Variants in PPARGC1A observed in about 807,000 individuals in gnomAD.
PPARGC1A encodes PPARG coactivator 1 alpha.
Under a neutral mutation model 88.7 loss-of-function variants are expected in PPARGC1A, and 25 were observed. That is an observed-to-expected ratio of 0.28 (90% CI 0.21 to 0.39). The LOEUF (loss-of-function observed/expected upper bound fraction) is 0.39, where lower values mean the gene tolerates loss of function less well. Among genes scored for constraint, PPARGC1A ranks in the 10% least tolerant of loss-of-function variants. PPARGC1A has a pLI of 1.00. For missense variants in PPARGC1A, 880 were observed against 968.7 expected, an observed-to-expected ratio of 0.91 and a Z score of 1.22; for synonymous variants, 363 against 355.6, an observed-to-expected ratio of 1.02 and a Z score of -0.24.
intron 12 of PPARGC1A, among the ~76,000 whole-genome samples, chr4:23,801,414 A>C (rs1718714564): frequency 6.6e-6 from 1 of 152,074 alleles, no homozygotes; most frequent in Admixed American, 6.6e-5. Context: ...ACAAAATATA[A>C]AGCTGCATGC....
At chr4:24,421,435 C>A in the PPARGC1A span, among the ~76,000 whole-genome samples, 131 of 151,950 alleles carry the variant, frequency 8.6e-4, no homozygotes, top group African/African-American at 3.1e-3. Context: ...CTCAGCCTCC[C>A]GAGTAGCTGG....
At chr4:24,163,270 T>G in the PPARGC1A span, among the ~76,000 whole-genome samples, 1 of 150,944 alleles carries the variant, frequency 6.6e-6, no homozygotes, top group Non-Finnish European at 1.5e-5. Context: ...TTATCAATTC[T>G]AATCATTCTT....
At chr4:23,845,849 C>T (rs1290007351) in intron 2 of PPARGC1A, among the ~76,000 whole-genome samples, 1 of 152,246 alleles carries the variant, frequency 6.6e-6, no homozygotes, top group South Asian at 2.1e-4. Flanking sequence ...TTGCAATCTC[C>T]TAGGATTTAG....
At chr4:24,087,157 A>G in the PPARGC1A span, among the ~76,000 whole-genome samples, 3 of 152,234 alleles carry the variant, frequency 2.0e-5, no homozygotes, top group African/African-American at 7.2e-5. Flanking sequence ...AAAAAGGTAG[A>G]AAGCTGAACT....
At chr4:24,213,321 C>T in the PPARGC1A span, among the ~76,000 whole-genome samples, 1 of 151,884 alleles carries the variant, frequency 6.6e-6, no homozygotes, top group Non-Finnish European at 1.5e-5. Context: ...CGCCCACCAC[C>T]CGGCCCGGCT....
chr4:24,129,626 C>G, the PPARGC1A span, among the ~76,000 whole-genome samples: 1 of 151,992 alleles, frequency 6.6e-6, no homozygotes, highest in Non-Finnish European at 1.5e-5. Flanking sequence ...ACCATTTGAC[C>G]CAGCAATCTC....
chr4:24,425,296 T>C, the PPARGC1A span, among the ~76,000 whole-genome samples: 88 of 152,320 alleles, frequency 5.8e-4, no homozygotes, highest in African/African-American at 2.1e-3. Context: ...TATAACATAA[T>C]AGCCAAGTCT....
At chr4:24,126,492 T>C in the PPARGC1A span, among the ~76,000 whole-genome samples, 2 of 152,158 alleles carry the variant, frequency 1.3e-5, no homozygotes. Context: ...TAGAAGCCCG[T>C]AGCAGGATGA....
At chr4:24,023,837 A>G in the PPARGC1A span, among the ~76,000 whole-genome samples, 4 of 152,158 alleles carry the variant, frequency 2.6e-5, no homozygotes, top group Non-Finnish European at 5.9e-5. Flanking sequence ...GCAAAAGAAA[A>G]GTGAAGAAAA....
chr4:24,408,385 A>C, the PPARGC1A span, among the ~76,000 whole-genome samples: 3 of 152,094 alleles, frequency 2.0e-5, no homozygotes, highest in Non-Finnish European at 4.4e-5. Context: ...AAATAGCAAC[A>C]GTTCAAATTG....
At chr4:24,187,768 T>G in the PPARGC1A span, among the ~76,000 whole-genome samples, 1 of 152,228 alleles carries the variant, frequency 6.6e-6, no homozygotes, top group East Asian at 1.9e-4. Context: ...TATGTTCCCT[T>G]CATGGTTCTC....
chr4:24,356,216 AAGAG>A, the PPARGC1A span, among the ~76,000 whole-genome samples: 1 of 150,430 alleles, frequency 6.6e-6, no homozygotes, highest in African/African-American at 2.4e-5. Flanking sequence ...AAAAAAAAAA[AAGAG>A]AGAGAGGGAG....
At chr4:24,141,748 C>T in the PPARGC1A span, among the ~76,000 whole-genome samples, 1 of 152,176 alleles carries the variant, frequency 6.6e-6, no homozygotes, top group Non-Finnish European at 1.5e-5. Flanking sequence ...TCTGTTGCTG[C>T]ATTTGGACTC....
chr4:24,118,475 A>G, the PPARGC1A span, among the ~76,000 whole-genome samples: 1 of 152,188 alleles, frequency 6.6e-6, no homozygotes, highest in South Asian at 2.1e-4. Context: ...ACAGGAAAAC[A>G]GCAATAGAAT....
the PPARGC1A span, among the ~76,000 whole-genome samples, chr4:23,988,151 G>A: frequency 6.6e-6 from 1 of 152,052 alleles, no homozygotes; most frequent in Admixed American, 6.6e-5. Context: ...GTTCCATGGT[G>A]TATATGTGCT....
the PPARGC1A span, among the ~76,000 whole-genome samples, chr4:24,080,352 C>T: frequency 0.023 from 3,538 of 151,742 alleles, 125 homozygotes; most frequent in African/African-American, 0.067. Context: ...TGATTATAAC[C>T]ATTATATCAA....
the PPARGC1A span, among the ~76,000 whole-genome samples, chr4:24,352,936 T>C: frequency 6.6e-6 from 1 of 152,248 alleles, no homozygotes; most frequent in East Asian, 1.9e-4. Context: ...TACCAGTAAG[T>C]ATTACAGCTG....
At chr4:24,285,157 A>G in the PPARGC1A span, among the ~76,000 whole-genome samples, 2 of 152,230 alleles carry the variant, frequency 1.3e-5, no homozygotes, top group African/African-American at 4.8e-5. Context: ...TCTTGGACAC[A>G]AGAAGGAGAT....
At chr4:23,993,512 G>A in the PPARGC1A span, among the ~76,000 whole-genome samples, 1 of 152,144 alleles carries the variant, frequency 6.6e-6, no homozygotes, top group African/African-American at 2.4e-5. Flanking sequence ...TTTGAAATTA[G>A]TCATGCTCTG....
Sources: gnomAD v4.1 joint callset for allele counts (sites outside exome capture counted in the v4.1 genomes callset) on GRCh38, gnomAD v4.1.1 for gene constraint, MANE v1.5 for transcripts, NCBI Gene and HGNC (gene_info 2026-07-23, HGNC 2026-07-21) for gene names.